Variants in KCND2 observed in about 807,000 individuals in gnomAD.
KCND2 encodes the protein A-type voltage-gated potassium channel KCND2.
A neutral mutation model predicts 54.4 loss-of-function variants in KCND2; 16 were observed. That is an observed-to-expected ratio of 0.29 (90% CI 0.20 to 0.45). The LOEUF (loss-of-function observed/expected upper bound fraction) is 0.45, where lower values mean the gene tolerates loss of function less well. Ranked by LOEUF, KCND2 falls within the 20% of genes least tolerant of loss-of-function variation. The pLI, the probability that KCND2 is intolerant of heterozygous loss-of-function variation, is 1.00. For synonymous variants in KCND2, 317 were observed against 310.7 expected, an observed-to-expected ratio of 1.02 and a Z score of -0.21; for missense variants, 486 against 824.2, an observed-to-expected ratio of 0.59 and a Z score of 5.02.
intron 1 of KCND2, among the ~76,000 whole-genome samples, chr7:120,607,347 GA>G (rs754788752): frequency 6.6e-6 from 1 of 152,066 alleles, no homozygotes; most frequent in Non-Finnish European, 1.5e-5. Flanking sequence ...TATCCATGCT[GA>G]TGTCTTCCAT....
At chr7:120,622,401 A>G (rs541749302) in intron 1 of KCND2, among the ~76,000 whole-genome samples, 1 of 152,268 alleles carries the variant, frequency 6.6e-6, no homozygotes, top group Admixed American at 6.5e-5. Flanking sequence ...TTTCCATCAG[A>G]CCGGTGAATG....
chr7:120,299,587 A>G (rs1407356574), intron 1 of KCND2, among the ~76,000 whole-genome samples: 2 of 152,206 alleles, frequency 1.3e-5, no homozygotes, highest in African/African-American at 4.8e-5. Context: ...TAAAATTGAT[A>G]TTCTAGAGCT....
rs543900199 is a variant in KCND2 at position 120,486,917 on chromosome 7, T to TA, written c.1115+211176dup. Among the ~76,000 whole-genome samples the TA allele has an allele frequency of 1.6e-4, 24 of 152,148 alleles. No individual in the cohort carries two copies. In the East Asian group the frequency reaches 4.1e-3, roughly 26 times the overall value. On this transcript the variant is annotated intron_variant, in intron 1 of 5. Coordinates refer to ENST00000331113, the MANE Select transcript of KCND2 (RefSeq NM_012281.3). ...TCCCAATTTAAATGAATTGAACTATTAAAAAATCAGAGCTACAAAGGAAAC... is the reference window on the plus strand; with the variant it reads ...TCCCAATTTAAATGAATTGAACTATTAAAAAAATCAGAGCTACAAAGGAAAC...
At chr7:120,321,736 A>G (rs1389125601) in intron 1 of KCND2, among the ~76,000 whole-genome samples, 1 of 152,024 alleles carries the variant, frequency 6.6e-6, no homozygotes, top group Non-Finnish European at 1.5e-5. Flanking sequence ...ATACTGCCTA[A>G]TGTTCTTTTT....
At chr7:120,696,518 T>C (rs530572283) in intron 1 of KCND2, among the ~76,000 whole-genome samples, 1 of 152,356 alleles carries the variant, frequency 6.6e-6, no homozygotes, top group African/African-American at 2.4e-5. Context: ...ATCAATGCTA[T>C]GGTTTGAACG....
At chr7:120,687,193 C>T (rs905477154) in intron 1 of KCND2, among the ~76,000 whole-genome samples, 2 of 152,106 alleles carry the variant, frequency 1.3e-5, no homozygotes, top group Non-Finnish European at 2.9e-5. Flanking sequence ...TTCTTCTCCC[C>T]CTAACTCTTG....
At chr7:120,345,467 T>C (rs144420526) in intron 1 of KCND2, among the ~76,000 whole-genome samples, 41 of 152,320 alleles carry the variant, frequency 2.7e-4, no homozygotes, top group African/African-American at 9.4e-4. Context: ...TATGTTCACA[T>C]TGATGTGCAA....
chr7:120,596,995 A>G lies in KCND2; in HGVS notation c.1116-135908A>G, dbSNP rs76703614. ...CTTGAAGACACTAAGTGACTAATCT[A>G]TGACTGAAGCTCAAAATCAGGACAT... On this transcript the variant is annotated intron_variant, in intron 1 of 5. Transcript: ENST00000331113. Among the ~76,000 whole-genome samples the G allele has an allele frequency of 3.6e-3, 545 of 152,360 alleles. 2 individuals carry two copies. Among genetic ancestry groups the G allele is most frequent in the Non-Finnish European group, 6.4e-3 (436 of 68,032 alleles).
chr7:120,702,277 A>G lies in KCND2; in HGVS notation c.1116-30626A>G, dbSNP rs149518729. Among the ~76,000 whole-genome samples, 136 of 152,298 alleles carry G rather than the reference A, an allele frequency of 8.9e-4. 2 individuals carry two copies. The highest frequency in any genetic ancestry group is 2.5e-3 in the African/African-American group (106 of 41,574). ...ACCATTCCGTATGGCTATTACTAAA[A>G]AGTCAAAAACATAGCAGATGTTTGT... On this transcript the variant is annotated intron_variant, in intron 1 of 5. Coordinates refer to ENST00000331113, the MANE Select transcript of KCND2 (RefSeq NM_012281.3).
intron 2 of KCND2, among the ~76,000 whole-genome samples, chr7:120,736,757 T>C (rs1181461362): frequency 6.6e-6 from 1 of 151,872 alleles, no homozygotes; most frequent in East Asian, 1.9e-4. Context: ...GTATACTATT[T>C]CCATTTTACA....
chr7:120,495,982 G>A (rs1053205853), intron 1 of KCND2, among the ~76,000 whole-genome samples: 2 of 151,944 alleles, frequency 1.3e-5, no homozygotes, highest in Non-Finnish European at 2.9e-5. Flanking sequence ...TGAGAAATGG[G>A]CAAAAATCCC....
intron 1 of KCND2, among the ~76,000 whole-genome samples, chr7:120,292,542 C>T (rs965578911): frequency 2.0e-5 from 3 of 151,742 alleles, no homozygotes; most frequent in African/African-American, 7.3e-5. Context: ...AATCTTCTAC[C>T]CATTTAAAGT....
At chr7:120,423,354 T>C (rs1212253205) in intron 1 of KCND2, among the ~76,000 whole-genome samples, 1 of 152,220 alleles carries the variant, frequency 6.6e-6, no homozygotes, top group African/African-American at 2.4e-5. Flanking sequence ...TACAATTTAT[T>C]CATCAGTTCA....
chr7:120,649,601 G>T (rs1791700049), intron 1 of KCND2, among the ~76,000 whole-genome samples: 1 of 152,080 alleles, frequency 6.6e-6, no homozygotes, highest in African/African-American at 2.4e-5. Flanking sequence ...TCCACTTTTT[G>T]ATGGGGTTGT....
intron 1 of KCND2, among the ~76,000 whole-genome samples, chr7:120,351,183 A>G (rs1800394094): frequency 6.7e-6 from 1 of 148,792 alleles, no homozygotes; most frequent in Non-Finnish European, 1.5e-5. Context: ...TTTATATTGC[A>G]AATTATATTT....
At chr7:120,546,397 A>C (rs1792042676) in intron 1 of KCND2, among the ~76,000 whole-genome samples, 1 of 151,944 alleles carries the variant, frequency 6.6e-6, no homozygotes, top group African/African-American at 2.4e-5. Context: ...TTCAGTTTTT[A>C]AAGTGACTCA....
At chr7:120,360,333 A>G (rs1800575609) in intron 1 of KCND2, among the ~76,000 whole-genome samples, 1 of 152,072 alleles carries the variant, frequency 6.6e-6, no homozygotes, top group African/African-American at 2.4e-5. Context: ...TTTCTGACCA[A>G]AAATTTCCAG....
At chr7:120,436,417 G>A (rs1179354260) in intron 1 of KCND2, among the ~76,000 whole-genome samples, 1 of 152,194 alleles carries the variant, frequency 6.6e-6, no homozygotes, top group Non-Finnish European at 1.5e-5. Flanking sequence ...TGCAATATTT[G>A]ATTAATAGGA....
chr7:120,457,834 T>G (rs908602880), intron 1 of KCND2, among the ~76,000 whole-genome samples: 29 of 152,196 alleles, frequency 1.9e-4, no homozygotes, highest in Non-Finnish European at 1.0e-4. Context: ...TGGTATCAAT[T>G]TACTGTGTTA....
Sources: allele counts gnomAD v4.1 joint callset (sites outside exome capture counted in the v4.1 genomes callset), GRCh38; gene constraint gnomAD v4.1.1; transcripts MANE v1.5; gene names NCBI Gene and HGNC (gene_info 2026-07-23, HGNC 2026-07-21).